The following GATD1 variants were observed in gnomAD, a reference collection of about 807,000 sequenced individuals.
The protein encoded by GATD1 is glutamine amidotransferase class 1 domain containing 1, also known as glutamine amidotransferase-like class 1 domain-containing protein 1.
Under a neutral mutation model 25.9 loss-of-function variants are expected in GATD1, and 23 were observed. The ratio of observed to expected loss-of-function variants is 0.89; its 90% CI spans 0.64 to 1.26. The LOEUF is 1.26. Among genes scored for constraint, GATD1 ranks in the 50% most tolerant of loss-of-function variants. The probability of loss-of-function intolerance (pLI) is 0.00; values close to 1 mark genes in which losing one functional copy is unlikely to be tolerated. For synonymous variants in GATD1, 177 were observed against 134.6 expected (o/e 1.31, Z -2.18); for missense variants, 347 against 312.5 (o/e 1.11, Z -0.83).
chr11:777,271 CCCGGCGCCCCCAGCGGCCTCGGCCT>C, intron 1 of GATD1, 103 bp downstream of exon 1: 2 of 637,988 alleles, frequency 3.1e-6, no homozygotes, highest in South Asian at 7.6e-5. Flanking sequence ...CCGGCCCCTG[CCCGGCGCCCCCAGCGGCCTCGGCCT>C]CCGGCGCCAC....
Position 772,529 on chromosome 11 carries a change from C to G in GATD1, c.356-8G>C. 6.2e-7 allele frequency: 1 copy of G among 1,608,752 alleles called. No homozygotes were observed. The highest frequency in any genetic ancestry group is 8.5e-7 in the Non-Finnish European group (1 of 1,179,694). On this transcript the variant is annotated splice_polypyrimidine_tract_variant and splice_region_variant and intron_variant, in intron 4 of 7. Transcript: ENST00000319863. ...CGACGGCGCAGATGGGTTCTGAAAG[C>G]CGTACATGGCGTTGAGGCCCTGGAC... is the stretch of plus-strand genomic sequence containing the variant.
chr11:770,505 C>G lies in GATD1; in HGVS notation c.*392G>C. ...AGTGAAAGAGGTGGTGGGTGGCAGA[C>G]AGGCCACAGCAGGGCAAACCCACAC... On this transcript the variant is annotated 3_prime_UTR_variant, in exon 8 of 8. Transcript: ENST00000319863. 2 of 1,431,290 alleles carry G rather than the reference C, an allele frequency of 1.4e-6. No homozygotes were observed. Among genetic ancestry groups the G allele is most frequent in the South Asian group, 1.5e-5 (1 of 67,808 alleles). 88.7% of individuals were successfully genotyped at this position (1,431,290 alleles called of 1,614,324 possible).
Position 767,307 on chromosome 11 carries a change from C to CT in GATD1, c.*3589dup. ...GGAAATCCTCACCCGCCCTCCGCTG[C>CT]TCTTCTGGAGGTCTGTCCTCTTGCT... On this transcript the variant is annotated 3_prime_UTR_variant, in exon 8 of 8. Coordinates refer to ENST00000319863, the MANE Select transcript of GATD1 (RefSeq NM_182612.4). The CT allele has an allele frequency of 6.5e-7, 1 of 1,536,248 alleles. No individual in the cohort carries two copies. The highest frequency in any genetic ancestry group is 1.2e-5 in the South Asian group (1 of 84,070).
chr11:773,464 C>A (rs1863646738), intron 4 of GATD1, 58 bp downstream of exon 4: 9 of 1,395,440 alleles, frequency 6.4e-6, no homozygotes, highest in South Asian at 3.6e-5. Context: ...TGGTGGGAGA[C>A]CCATTTCTTG....
Position 770,811 on chromosome 11 carries a change from G to A in GATD1, c.*86C>T, listed in dbSNP as rs964979573. On this transcript the variant is annotated 3_prime_UTR_variant, in exon 8 of 8. Transcript: ENST00000319863. ...TGCCATCCAGGGCCCTTGTCAGGAGGGAAGAGGCGGGGTCCCTGAAGCCTG... is the reference window on the plus strand; with the variant it reads ...TGCCATCCAGGGCCCTTGTCAGGAGAGAAGAGGCGGGGTCCCTGAAGCCTG... The A allele has an allele frequency of 2.0e-5, 31 of 1,544,188 alleles. No individual in the cohort carries two copies. The highest frequency in any genetic ancestry group is 2.5e-5 in the Non-Finnish European group (29 of 1,143,678).
chr11:777,403 G>C lies in GATD1; in HGVS notation c.60C>G (p.Ala20=), dbSNP rs950725126. ...GCCCCGGCCGCCGGGCCTCACCTTC[G>C]GCGGCGCCGCTGGCCACGAGCAGAC... The part of the protein sequence containing the change: ...PACLLVASGA[A]EGVSAQSFLH... Residue 20 remains alanine, a synonymous_variant, in exon 1 of 8, where the codon GCC becomes GCG. Transcript: ENST00000319863. 1.5e-5 allele frequency: 19 copies of C among 1,297,596 alleles called. No individual in the cohort carries two copies. Among genetic ancestry groups the C allele is most frequent in the Admixed American group, 3.6e-5 (1 of 27,418 alleles). 80.4% of individuals were successfully genotyped at this position (1,297,596 alleles called of 1,614,324 possible).
intron 4 of GATD1, 168 bp from the exon 5 acceptor site, chr11:772,689 C>T (rs972560912): frequency 1.9e-5 from 12 of 635,248 alleles, no homozygotes; most frequent in African/African-American, 1.3e-4. Context: ...TGGCTCAGCC[C>T]GCACAGCTGG....
intron 4 of GATD1, chr11:772,741 G>T (rs1821120760): frequency 1.7e-6 from 1 of 584,722 alleles, no homozygotes; most frequent in Admixed American, 3.0e-5. Flanking sequence ...TCAGGACTAG[G>T]CTCTGGTTTA....
At position 770,799 on chromosome 11, in the gene GATD1, C is replaced by G. The variant is rs1313924887; in HGVS notation, c.*98G>C. The G allele has an allele frequency of 2.7e-5, 41 of 1,538,900 alleles. No individual in the cohort carries two copies. Among genetic ancestry groups the G allele is most frequent in the Non-Finnish European group, 3.6e-5 (41 of 1,142,688 alleles). ...GCCAGACCAGGCTGCCATCCAGGGC[C>G]CTTGTCAGGAGGGAAGAGGCGGGGT... is the stretch of plus-strand genomic sequence containing the variant. On this transcript the variant is annotated 3_prime_UTR_variant, in exon 8 of 8. Coordinates refer to ENST00000319863, the MANE Select transcript of GATD1 (RefSeq NM_182612.4).
At position 768,938 on chromosome 11, in the gene GATD1, G is replaced by A. The variant is rs574876672; in HGVS notation, c.*1959C>T. On this transcript the variant is annotated 3_prime_UTR_variant, in exon 8 of 8. Coordinates refer to ENST00000319863, the MANE Select transcript of GATD1 (RefSeq NM_182612.4). Reference sequence around the variant, plus strand: ...CAACATGGTGAAACTCGGTCTCTACGAAAAATACAAAAATTAGCCAGGCGT... The same window carrying A: ...CAACATGGTGAAACTCGGTCTCTACAAAAAATACAAAAATTAGCCAGGCGT... 135 of 169,316 alleles carry A rather than the reference G, an allele frequency of 8.0e-4. 1 individual carries two copies. In the South Asian group the frequency reaches 0.025, roughly 31 times the overall value. 10.5% of individuals were successfully genotyped at this position (169,316 alleles called of 1,614,324 possible). A position where few individuals can be genotyped will look rare whatever the true frequency, so the allele number is the denominator to read the frequency against.
chr11:777,396 C>T lies in GATD1; in HGVS notation c.64+3G>A. On this transcript the variant is annotated splice_donor_region_variant and intron_variant, in intron 1 of 7. Transcript: ENST00000319863. ...GACACTGGCCCCGGCCGCCGGGCCT[C>T]ACCTTCGGCGGCGCCGCTGGCCACG... 1 of 1,298,336 alleles carries T rather than the reference C, an allele frequency of 7.7e-7. No individual in the cohort carries two copies. The highest frequency in any genetic ancestry group is 2.1e-5 in the South Asian group (1 of 47,982). The allele number at this position is 1,298,336 out of a possible 1,614,324, so 80.4% of individuals were successfully genotyped here.
Position 775,126 on chromosome 11 carries a change from G to A in GATD1, c.81C>T (p.Ser27=). ...SGAAEGVSAQ[S]FLHCFTMAST... ...TGGCCATCGTGAAACAGTGGAGGAA[G>A]GACTGGGCCGACACACCTGCAGAAG... The change falls in exon 2 of 8, where the codon TCC becomes TCT. Residue 27 remains serine (S), a synonymous_variant. Transcript: ENST00000319863. 1 of 1,603,892 alleles carries A rather than the reference G, an allele frequency of 6.2e-7. No individual in the cohort carries two copies. The highest frequency in any genetic ancestry group is 8.5e-7 in the Non-Finnish European group (1 of 1,176,452).
Position 770,280 on chromosome 11 carries a change from T to C in GATD1, c.*617A>G, listed in dbSNP as rs1310304841. 1 of 1,469,926 alleles carries C rather than the reference T, an allele frequency of 6.8e-7. No homozygotes were observed. 91.1% of individuals were successfully genotyped at this position (1,469,926 alleles called of 1,614,324 possible). ...ATTCACAAGTAAACGTGCCTCTCAA[T>C]GCTTAGGACAGGGTGCATCACTGAG... On this transcript the variant is annotated 3_prime_UTR_variant, in exon 8 of 8. Transcript: ENST00000319863.
At chr11:773,773 C>T (rs1863687990) in intron 3 of GATD1, 144 bp from the exon 4 acceptor site, 1 of 707,464 alleles carries the variant, frequency 1.4e-6, no homozygotes, top group Non-Finnish European at 2.4e-6. Context: ...CCTCCATGGG[C>T]TACAGCTCCC....
chr11:773,950 C>T (rs1863702285), intron 3 of GATD1, 58 bp downstream of exon 3: 2 of 1,506,426 alleles, frequency 1.3e-6, no homozygotes, highest in African/African-American at 1.4e-5. Context: ...CTATCTGGAA[C>T]CCTTGACCCT....
chr11:775,901 G>C (rs954486890), intron 1 of GATD1, among the ~76,000 whole-genome samples: 2 of 151,284 alleles, frequency 1.3e-5, no homozygotes, highest in Admixed American at 6.6e-5. Flanking sequence ...TTATTCCAAA[G>C]TAGCGTGAGC....
chr11:773,342 C>G, intron 4 of GATD1, 180 bp downstream of exon 4: 1 of 590,050 alleles, frequency 1.7e-6, no homozygotes. Context: ...ACGACAAAGT[C>G]TGTGTGTGTC....
In GATD1 at chr11:770,591, C is replaced by T. The variant is rs1156740784; in HGVS notation, c.*306G>A. ...TGACCACACGTGACAACCAGTCCTC[C>T]CTAGAAAACCCAGCCTGGAATTCCC... On this transcript the variant is annotated 3_prime_UTR_variant, in exon 8 of 8. Transcript: ENST00000319863. 2 of 1,412,356 alleles carry T rather than the reference C, an allele frequency of 1.4e-6. No individual in the cohort carries two copies. Among genetic ancestry groups the T allele is most frequent in the Non-Finnish European group, 1.8e-6 (2 of 1,086,420 alleles). 87.5% of individuals were successfully genotyped at this position (1,412,356 alleles called of 1,614,324 possible). A position where few individuals can be genotyped will look rare whatever the true frequency, so the allele number is the denominator to read the frequency against.
rs1863848646 is a variant in GATD1, at chr11:775,254, G to A, written c.65-112C>T. On this transcript the variant is annotated intron_variant, in intron 1 of 7. Transcript: ENST00000319863. ...TGACCCCAGAACACGCTGAGGAGCA[G>A]CCCTCTCCCCTACACCCAAGAACGA... 4 of 842,936 alleles carry A rather than the reference G, an allele frequency of 4.7e-6. No individual in the cohort carries two copies. The South Asian group carries it at 6.9e-5, about 14-fold the overall frequency. 52.2% of individuals were successfully genotyped at this position (842,936 alleles called of 1,614,324 possible). A position where few individuals can be genotyped will look rare whatever the true frequency, so the allele number is the denominator to read the frequency against.
Sources: allele counts gnomAD v4.1 joint callset (sites outside exome capture counted in the v4.1 genomes callset), GRCh38; gene constraint gnomAD v4.1.1; transcripts MANE v1.5; gene names NCBI Gene and HGNC (gene_info 2026-07-23, HGNC 2026-07-21).